ZNFX1: variants seen among roughly 807,000 people sequenced by gnomAD.
The protein encoded by ZNFX1 is zinc finger NFX1-type containing 1, also known as NFX1-type zinc finger-containing protein 1.
In ZNFX1, 78 loss-of-function variants were observed where a neutral mutation model predicts 179.8. The observed-to-expected ratio is 0.43, with a 90% CI of 0.36 to 0.52. The LOEUF (loss-of-function observed/expected upper bound fraction) is 0.52, where lower values mean the gene tolerates loss of function less well. Among genes scored for constraint, ZNFX1 ranks in the 20% least tolerant of loss-of-function variants. The probability of loss-of-function intolerance (pLI) is 0.00; values close to 1 mark genes in which losing one functional copy is unlikely to be tolerated. For missense variants in ZNFX1, 1,927 were observed against 2,386.6 expected (o/e 0.81, Z 4.01); for synonymous variants, 848 against 868.5 (o/e 0.98, Z 0.42).
At position 49,263,368 on chromosome 20, in the gene ZNFX1, T is replaced by C. The variant is rs752144398; in HGVS notation, c.2267A>G (p.Gln756Arg). ...EQYLQKYISP[Q>R]HWESLMNGPV... ...TCCATTCATGAGACTTTCCCAGTGC[T>C]GGGGTGAGATGTACTTCTGCAGGTA... is the stretch of plus-strand genomic sequence containing the variant. The change falls in exon 6 of 14, where the codon CAG (glutamine) becomes CGG (arginine). Residue 756 changes from glutamine (Q) to arginine (R), a missense_variant. By Grantham distance (43) the Gln-to-Arg change is conservative. Transcript: ENST00000396105. The C allele has an allele frequency of 1.2e-6, 2 of 1,613,852 alleles. No homozygotes were observed. The highest frequency in any genetic ancestry group is 2.2e-5 in the East Asian group (1 of 44,886).
At chr20:49,260,696 A>G in intron 6 of ZNFX1, 119 bp from the exon 7 acceptor site, 1 of 676,700 alleles carries the variant, frequency 1.5e-6, no homozygotes, top group African/African-American at 1.8e-5. Context: ...AATCCCAGCA[A>G]TTTGGAAGGC....
chr20:49,250,152 G>A (rs112644707), intron 13 of ZNFX1, among the ~76,000 whole-genome samples: 8,112 of 152,246 alleles, frequency 0.053, 287 homozygotes, highest in Middle Eastern at 0.082. Flanking sequence ...CTATTCAGGA[G>A]GCTGAGATGG....
At chr20:49,254,755 AG>A in intron 9 of ZNFX1, 106 bp from the exon 10 acceptor site, 1 of 877,260 alleles carries the variant, frequency 1.1e-6, no homozygotes. Context: ...GGACCCTTGG[AG>A]CATAGTGACA....
chr20:49,277,682 A>AG (rs1981616566), intron 1 of ZNFX1, among the ~76,000 whole-genome samples: 1 of 149,468 alleles, frequency 6.7e-6, no homozygotes, highest in Non-Finnish European at 1.5e-5. Flanking sequence ...CGGGGCGCTG[A>AG]GATGGGCCAG....
chr20:49,248,474 C>T lies in ZNFX1; in HGVS notation c.4550G>A (p.Arg1517His), dbSNP rs113818617. The T allele has an allele frequency of 1.0e-4, 164 of 1,611,542 alleles. No homozygotes were observed. The highest frequency in any genetic ancestry group is 8.0e-4 in the African/African-American group (60 of 74,998). The change falls in exon 14 of 14, where the codon CGC becomes CAC. Residue 1517 changes from arginine (R) to histidine (H), a missense_variant. Transcript: ENST00000396105. This position sits in a 1 kb window ranked among gnomAD's most constrained non-coding sequence, Gnocchi z 4.6. Reference sequence around the variant, plus strand: ...TTTGGTGCACTGGTAGTGCTGGCAGCGCCAGACACAGGGTTCCACGCAGGG... The same window carrying T: ...TTTGGTGCACTGGTAGTGCTGGCAGTGCCAGACACAGGGTTCCACGCAGGG... The part of the protein sequence containing the change: ...CSPCVEPCVW[R>H]CQHYQCTKLC...
intron 1 of ZNFX1, among the ~76,000 whole-genome samples, chr20:49,277,096 TTTTTTTTGGTGGGGGGA>T (rs1981586501): frequency 6.6e-6 from 1 of 151,918 alleles, no homozygotes; most frequent in African/African-American, 2.4e-5. Context: ...ACTGAAGTGT[TTTTTTTTGGTGGGGGGA>T]ATCAAGGCCT....
chr20:49,248,905 C>T lies in ZNFX1; in HGVS notation c.4119G>A (p.Gln1373=), dbSNP rs372116956. The change falls in exon 14 of 14, where the codon CAG becomes CAA. Residue 1373 remains glutamine (Q), a synonymous_variant. Coordinates refer to ENST00000396105, the MANE Select transcript of ZNFX1 (RefSeq NM_021035.3). This position sits in a 1 kb window ranked among gnomAD's most constrained non-coding sequence, Gnocchi z 4.6. Reference sequence around the variant, plus strand: ...ATCTCAGAGACTTGGAGCAAGGCTCCTGGCAGCAGAAATCTGACTCAGGCA... The same window carrying T: ...ATCTCAGAGACTTGGAGCAAGGCTCTTGGCAGCAGAAATCTGACTCAGGCA... ...CSVPESDFCC[Q]EPCSKSLRCG... is the part of the protein sequence containing the mutation. 9.3e-6 allele frequency: 15 copies of T among 1,614,284 alleles called. No homozygotes were observed. The highest frequency in any genetic ancestry group is 1.7e-5 in the Admixed American group (1 of 60,032).
intron 2 of ZNFX1, among the ~76,000 whole-genome samples, chr20:49,273,993 C>T (rs1981489382): frequency 6.6e-6 from 1 of 152,214 alleles, no homozygotes; most frequent in South Asian, 2.1e-4. Context: ...ATTTGTTCCA[C>T]AGCTAAAACT....
chr20:49,248,722 C>A lies in ZNFX1; in HGVS notation c.4302G>T (p.Lys1434Asn). ...YGGLLVKCTT[K>N]CGTILDCGHP... The stretch of plus-strand genomic sequence containing the variant: ...GCCCGCAGTCCAAGATAGTGCCACA[C>A]TTTGTGGTACACTTGACTAGCAGAC... The change falls in exon 14 of 14, where the codon AAG (lysine) becomes AAT (asparagine). Residue 1434 changes from lysine to asparagine, a missense_variant. By Grantham distance (94) the Lys-to-Asn change is moderately conservative. Coordinates refer to ENST00000396105, the MANE Select transcript of ZNFX1 (RefSeq NM_021035.3). This position sits in a 1 kb window ranked among gnomAD's most constrained non-coding sequence, Gnocchi z 4.6. 1 of 1,612,974 alleles carries A rather than the reference C, an allele frequency of 6.2e-7. No individual in the cohort carries two copies. Among genetic ancestry groups the A allele is most frequent in the Non-Finnish European group, 8.5e-7 (1 of 1,180,046 alleles).
chr20:49,248,861 T>G lies in ZNFX1; in HGVS notation c.4163A>C (p.His1388Pro), dbSNP rs1205140829. The G allele has an allele frequency of 6.2e-7, 1 of 1,613,470 alleles. No homozygotes were observed. The change falls in exon 14 of 14, where the codon CAC becomes CCC. Residue 1388 changes from histidine (H) to proline (P), a missense_variant. By Grantham distance (77) the His-to-Pro change is moderately conservative. Transcript: ENST00000396105. This position sits in a 1 kb window ranked among gnomAD's most constrained non-coding sequence, Gnocchi z 4.6. ...CTGCACACAGTCCTCACCACATGGG[T>G]GGCTGCATCTGTGCCCACATCTCAG... ...KSLRCGHRCS[H>P]PCGEDCVQLC...
Position 49,248,353 on chromosome 20 carries a change from T to C in ZNFX1, c.4671A>G (p.Pro1557=). 6.2e-7 allele frequency: 1 copy of C among 1,613,900 alleles called. No homozygotes were observed. The highest frequency in any genetic ancestry group is 8.5e-7 in the Non-Finnish European group (1 of 1,179,844). The part of the protein sequence containing the change: ...GHPCIGLCGE[P]CPKKCRICHM... ...GGCAGATCCGGCATTTCTTGGGGCA[T>C]GGCTCCCCACAGAGACCAATGCAGG... Residue 1557 remains proline (P), a synonymous_variant, in exon 14 of 14, where the codon CCA becomes CCG. Transcript: ENST00000396105. The surrounding 1 kb of genome is among the most constrained non-coding windows in gnomAD (Gnocchi z 4.6).
chr20:49,270,066 A>G lies in ZNFX1; in HGVS notation c.1746T>C (p.Ile582=). ...GCCACTGGCCAGGATCTAAGACATT[A>G]ATTCTGGGATGTCTCAAACCCTCGA... is the stretch of plus-strand genomic sequence containing the variant. ...RNVEGLRHPR[I]NVLDPGQWPS... Residue 582 remains isoleucine (I), a synonymous_variant, in exon 3 of 14, where the codon ATT becomes ATC. Transcript: ENST00000396105. This position sits in a 1 kb window ranked among gnomAD's most constrained non-coding sequence, Gnocchi z 4.6. 1 of 1,614,240 alleles carries G rather than the reference A, an allele frequency of 6.2e-7. No individual in the cohort carries two copies. Among genetic ancestry groups the G allele is most frequent in the Non-Finnish European group, 8.5e-7 (1 of 1,180,042 alleles).
intron 7 of ZNFX1, among the ~76,000 whole-genome samples, chr20:49,260,194 G>A (rs1169678561): frequency 6.6e-6 from 1 of 150,874 alleles, no homozygotes; most frequent in Admixed American, 6.6e-5. Context: ...TAAGGCAGGA[G>A]AGGAGAATCG....
intron 13 of ZNFX1, 105 bp downstream of exon 13, chr20:49,251,422 T>G: frequency 9.5e-6 from 9 of 952,368 alleles, no homozygotes; most frequent in South Asian, 1.4e-5. Flanking sequence ...ATTACAGGTG[T>G]GAGCCACCGC....
chr20:49,248,341 T>C lies in ZNFX1; in HGVS notation c.4683A>G (p.Lys1561=). 3.1e-6 allele frequency: 5 copies of C among 1,613,950 alleles called. No homozygotes were observed. The highest frequency in any genetic ancestry group is 4.2e-6 in the Non-Finnish European group (5 of 1,179,928). ...IGLCGEPCPK[K]CRICHMDEVT... The stretch of plus-strand genomic sequence containing the variant: ...CCTCATCCATGTGGCAGATCCGGCA[T>C]TTCTTGGGGCATGGCTCCCCACAGA... The change falls in exon 14 of 14, where the codon AAA becomes AAG. Residue 1561 remains lysine (K), a synonymous_variant. Transcript: ENST00000396105. The surrounding 1 kb of genome is among the most constrained non-coding windows in gnomAD (Gnocchi z 4.6).
At chr20:49,256,096 G>C in intron 8 of ZNFX1, 149 bp from the exon 9 acceptor site, 1 of 1,007,810 alleles carries the variant, frequency 9.9e-7, no homozygotes, top group Non-Finnish European at 1.4e-6. Flanking sequence ...CTCTTCCACT[G>C]TAGAGTGGCT....
At chr20:49,257,386 G>T in intron 8 of ZNFX1, 31 bp downstream of exon 8, 1 of 1,612,792 alleles carries the variant, frequency 6.2e-7, no homozygotes, top group Non-Finnish European at 8.5e-7. Context: ...AACACTCTCA[G>T]GCCTGTTTCA....
chr20:49,251,807 G>A (rs1204364874), intron 12 of ZNFX1, among the ~76,000 whole-genome samples, 185 bp from the exon 13 acceptor site: 1 of 151,838 alleles, frequency 6.6e-6, no homozygotes, highest in Non-Finnish European at 1.5e-5. Flanking sequence ...AGACCAGCCT[G>A]GCAACATAGT....
chr20:49,257,858 C>T (rs776540497), intron 7 of ZNFX1, among the ~76,000 whole-genome samples, 194 bp from the exon 8 acceptor site: 7 of 151,824 alleles, frequency 4.6e-5, no homozygotes, highest in African/African-American at 7.3e-5. Flanking sequence ...CCCACCACCA[C>T]GCCTGGCTAA....
Sources: gnomAD v4.1 joint callset for allele counts (sites outside exome capture counted in the v4.1 genomes callset) on GRCh38, gnomAD v4.1.1 for gene constraint, Gnocchi (gnomAD v3.1) non-coding constraint, MANE v1.5 for transcripts, NCBI Gene and HGNC (gene_info 2026-07-23, HGNC 2026-07-21) for gene names.